The following CDH18 variants were observed in gnomAD, a reference collection of about 807,000 sequenced individuals.
The protein encoded by CDH18 is cadherin 18.
In CDH18, 31 loss-of-function variants were observed where a neutral mutation model predicts 67.9. The ratio of observed to expected loss-of-function variants is 0.46; its 90% CI spans 0.34 to 0.62. The LOEUF is 0.62. Among genes scored for constraint, CDH18 ranks in the 20% least tolerant of loss-of-function variants. CDH18 has a pLI of 0.01. For missense variants in CDH18, 890 were observed against 975.5 expected (o/e 0.91, Z 1.17); for synonymous variants, 362 against 347.2 (o/e 1.04, Z -0.48).
intron 3 of CDH18, among the ~76,000 whole-genome samples, chr5:19,807,080 A>C (rs1466327396): frequency 6.6e-6 from 1 of 152,198 alleles, no homozygotes; most frequent in African/African-American, 2.4e-5. Context: ...TAAACATAGA[A>C]AAGGTACAGT....
intron 2 of CDH18, among the ~76,000 whole-genome samples, chr5:20,060,387 C>T (rs1191692328): frequency 6.6e-6 from 1 of 151,914 alleles, no homozygotes; most frequent in Non-Finnish European, 1.5e-5. Flanking sequence ...TCGCTTGAAG[C>T]CAGGAGGCAG....
chr5:19,512,125 C>T (rs1745225407), intron 10 of CDH18, among the ~76,000 whole-genome samples: 1 of 152,126 alleles, frequency 6.6e-6, no homozygotes, highest in African/African-American at 2.4e-5. Context: ...TCAATTAAGC[C>T]AAGAGCAAGG....
intron 5 of CDH18, among the ~76,000 whole-genome samples, chr5:19,680,347 C>A (rs1255037857): frequency 6.6e-6 from 1 of 152,052 alleles, no homozygotes; most frequent in Admixed American, 6.6e-5. Context: ...TGGAAAATAC[C>A]ATTTTTGACA....
intron 12 of CDH18, among the ~76,000 whole-genome samples, chr5:19,475,635 A>G (rs1296482115): frequency 6.6e-6 from 1 of 152,098 alleles, no homozygotes; most frequent in East Asian, 1.9e-4. Flanking sequence ...TGTGCTAAGC[A>G]TACATGCATA....
At chr5:19,509,573 A>G (rs1409769470) in intron 10 of CDH18, among the ~76,000 whole-genome samples, 2 of 152,182 alleles carry the variant, frequency 1.3e-5, no homozygotes, top group Non-Finnish European at 2.9e-5. Flanking sequence ...GATTTTTGAC[A>G]GTAAAGAATC....
At chr5:19,604,435 C>A (rs777627802) in intron 6 of CDH18, among the ~76,000 whole-genome samples, 3 of 151,846 alleles carry the variant, frequency 2.0e-5, no homozygotes, top group African/African-American at 7.3e-5. Context: ...GTTTGCCTGT[C>A]TTTCCTGATA....
intron 2 of CDH18, among the ~76,000 whole-genome samples, chr5:20,012,063 G>A (rs977743366): frequency 2.0e-5 from 3 of 151,832 alleles, no homozygotes; most frequent in Non-Finnish European, 2.9e-5. Context: ...CAATCCATCT[G>A]GTCCTGGGCT....
chr5:20,004,228 T>TA (rs1420842693), intron 2 of CDH18, among the ~76,000 whole-genome samples: 1 of 152,274 alleles, frequency 6.6e-6, no homozygotes, highest in East Asian at 1.9e-4. Context: ...TTTCTTTTCT[T>TA]ACCAAGGCTC....
At chr5:20,466,152 T>A (rs914512967) in intron 1 of CDH18, among the ~76,000 whole-genome samples, 2 of 152,070 alleles carry the variant, frequency 1.3e-5, no homozygotes, top group African/African-American at 4.8e-5. Flanking sequence ...GCTTTCCCAT[T>A]TCCTAATCAT....
At chr5:20,102,855 A>C (rs1481454521) in intron 2 of CDH18, among the ~76,000 whole-genome samples, 4 of 152,200 alleles carry the variant, frequency 2.6e-5, no homozygotes, top group African/African-American at 9.7e-5. Context: ...CTGTGACTAG[A>C]ATAATAATAA....
chr5:20,474,151 T>G (rs908465921), intron 1 of CDH18, among the ~76,000 whole-genome samples: 4 of 152,110 alleles, frequency 2.6e-5, no homozygotes, highest in Admixed American at 2.6e-4. Flanking sequence ...CAAGTAGCTT[T>G]ATTAGTCCCA....
At chr5:19,806,002 T>C (rs150798138) in intron 3 of CDH18, among the ~76,000 whole-genome samples, 135 of 152,244 alleles carry the variant, frequency 8.9e-4, no homozygotes, top group East Asian at 2.5e-3. Flanking sequence ...CCACGTTCTC[T>C]GGCATTATTC....
chr5:19,768,318 G>A (rs1217794605), intron 3 of CDH18, among the ~76,000 whole-genome samples: 1 of 152,108 alleles, frequency 6.6e-6, no homozygotes, highest in Non-Finnish European at 1.5e-5. Context: ...AGCTTAAAAG[G>A]AAAAGCTAGG....
chr5:19,589,584 G>A (rs758841553), intron 7 of CDH18, among the ~76,000 whole-genome samples: 14 of 152,092 alleles, frequency 9.2e-5, no homozygotes, highest in Non-Finnish European at 2.1e-4. Flanking sequence ...TGGGAATGCA[G>A]TGATAAGTTA....
chr5:19,990,802 A>AG (rs1489304827), upstream of CDH18, among the ~76,000 whole-genome samples: 12 of 151,862 alleles, frequency 7.9e-5, no homozygotes, highest in African/African-American at 2.9e-4. Flanking sequence ...AAGAAGAAGA[A>AG]GAAGGAAACA....
At chr5:20,246,676 ACT>A (rs1418522735) in intron 2 of CDH18, among the ~76,000 whole-genome samples, 1 of 152,192 alleles carries the variant, frequency 6.6e-6, no homozygotes, top group Non-Finnish European at 1.5e-5. Context: ...GGTGAATAAA[ACT>A]ATATACATCC....
intron 2 of CDH18, among the ~76,000 whole-genome samples, chr5:19,872,999 G>A (rs1291522592): frequency 6.6e-6 from 1 of 152,140 alleles, no homozygotes; most frequent in Non-Finnish European, 1.5e-5. Flanking sequence ...GTTCTAGAGA[G>A]AAGTATATAA....
chr5:19,538,134 C>T (rs770300), intron 9 of CDH18, among the ~76,000 whole-genome samples: 76,790 of 151,860 alleles, frequency 0.51, 20,516 homozygotes, highest in African/African-American at 0.69. Context: ...GGGAAAATTG[C>T]GTGATAGCAT....
chr5:19,786,935 T>A, intron 3 of CDH18, among the ~76,000 whole-genome samples: 1 of 152,108 alleles, frequency 6.6e-6, no homozygotes, highest in East Asian at 1.9e-4. Context: ...ACCTCTAGGA[T>A]GTCCAGACCC....
Sources: gnomAD v4.1 joint callset for allele counts (sites outside exome capture counted in the v4.1 genomes callset) on GRCh38, gnomAD v4.1.1 for gene constraint, MANE v1.5 for transcripts, NCBI Gene and HGNC (gene_info 2026-07-23, HGNC 2026-07-21) for gene names.